PCDH15: variants seen among roughly 807,000 people sequenced by gnomAD.
PCDH15 encodes the protein protocadherin related 15, also known as protocadherin-15.
In PCDH15, 129 loss-of-function variants were observed where a neutral mutation model predicts 178.5. The observed-to-expected ratio is 0.72, with a 90% CI of 0.63 to 0.84. The LOEUF (loss-of-function observed/expected upper bound fraction) is 0.84. PCDH15 is among the 40% of genes least tolerant of loss of function. The pLI, the probability that PCDH15 is intolerant of heterozygous loss-of-function variation, is 0.00. For missense variants in PCDH15, 2,230 were observed against 2,099.9 expected (o/e 1.06, Z -1.21); for synonymous variants, 800 against 732.0 (o/e 1.09, Z -1.50).
intron 2 of PCDH15, among the ~76,000 whole-genome samples, chr10:54,554,446 T>C (rs2086946865): frequency 6.6e-6 from 1 of 152,032 alleles, no homozygotes; most frequent in Non-Finnish European, 1.5e-5. Context: ...AGAAAATTAA[T>C]GTAAAAAAAT....
chr10:55,175,289 A>G (rs557338292), intron 1 of PCDH15, among the ~76,000 whole-genome samples: 1 of 152,206 alleles, frequency 6.6e-6, no homozygotes, highest in African/African-American at 2.4e-5. Context: ...AAAGGCTAAG[A>G]GAGTCCTTGG....
chr10:53,949,642 G>A (rs1338178842), intron 23 of PCDH15, among the ~76,000 whole-genome samples: 2 of 152,190 alleles, frequency 1.3e-5, no homozygotes, highest in African/African-American at 2.4e-5. Flanking sequence ...GGAGGCTGAG[G>A]GCTGAGATGG....
chr10:53,905,433 A>G (rs2082611645), intron 25 of PCDH15, among the ~76,000 whole-genome samples: 1 of 152,112 alleles, frequency 6.6e-6, no homozygotes, highest in African/African-American at 2.4e-5. Context: ...TCCCGAGTTC[A>G]TGCCATTCTC....
intron 1 of PCDH15, among the ~76,000 whole-genome samples, chr10:54,790,376 T>C (rs919641527): frequency 1.8e-4 from 28 of 151,540 alleles, no homozygotes; most frequent in Non-Finnish European, 2.8e-4. Flanking sequence ...AAAAAATATA[T>C]ATATGTATTT....
At chr10:55,584,867 C>A (rs1353862003) in intron 2 of PCDH15, among the ~76,000 whole-genome samples, 2 of 150,632 alleles carry the variant, frequency 1.3e-5, no homozygotes, top group Admixed American at 6.6e-5. Flanking sequence ...ATTGTATTAG[C>A]ACATAAATTA....
At chr10:54,543,761 T>C (rs1469268969) in intron 2 of PCDH15, among the ~76,000 whole-genome samples, 3 of 152,146 alleles carry the variant, frequency 2.0e-5, no homozygotes, top group Admixed American at 2.0e-4. Flanking sequence ...TGAAACTGCC[T>C]ATTCTAACCC....
At chr10:54,236,164 G>A (rs1225907555) in intron 9 of PCDH15, among the ~76,000 whole-genome samples, 1 of 152,122 alleles carries the variant, frequency 6.6e-6, no homozygotes, top group Non-Finnish European at 1.5e-5. Context: ...ACATGCATCT[G>A]TCTGTCTAGA....
chr10:55,407,503 A>G (rs1045077384), intron 2 of PCDH15, among the ~76,000 whole-genome samples: 3 of 152,198 alleles, frequency 2.0e-5, no homozygotes, highest in Admixed American at 2.0e-4. Flanking sequence ...TCTTTCATCT[A>G]TCAAGCTTCC....
Position 55,474,954 on chromosome 10 carries a change from G to A in PCDH15, c.-156+152671C>T, listed in dbSNP as rs147531799. 1.9e-3 allele frequency among the ~76,000 whole-genome samples: 286 copies of A among 152,158 alleles called. 7 individuals carry two copies. In the East Asian group the frequency reaches 0.033, roughly 18 times the overall value. On this transcript the variant is annotated intron_variant, in intron 2 of 5. Coordinates refer to the PCDH15 transcript ENST00000613346. ...AGAGCTTGCTTACTTGAGTTTTTGG[G>A]TGTCTGCTCAAAATATCACCTTTAC...
chr10:54,493,647 A>G (rs890338441), intron 3 of PCDH15, among the ~76,000 whole-genome samples: 2 of 151,576 alleles, frequency 1.3e-5, no homozygotes, highest in African/African-American at 4.8e-5. Flanking sequence ...CCCGACTGTA[A>G]ACTAGTTCAG....
chr10:54,758,098 C>T (rs1364676575), intron 1 of PCDH15, among the ~76,000 whole-genome samples: 2 of 152,010 alleles, frequency 1.3e-5, no homozygotes, highest in African/African-American at 4.8e-5. Flanking sequence ...TATAAATTTA[C>T]CTAAAATATT....
intron 2 of PCDH15, among the ~76,000 whole-genome samples, chr10:55,485,685 G>C (rs537842069): frequency 6.6e-6 from 1 of 151,356 alleles, no homozygotes; most frequent in African/African-American, 2.4e-5. Flanking sequence ...TCAAGGAGGC[G>C]CCTGCAATCC....
chr10:55,445,304 A>G (rs1839291229), intron 2 of PCDH15, among the ~76,000 whole-genome samples: 1 of 152,030 alleles, frequency 6.6e-6, no homozygotes, highest in Non-Finnish European at 1.5e-5. Flanking sequence ...TAAATAATCT[A>G]AATTACAGTG....
At chr10:54,083,765 G>A (rs1047597148) in intron 16 of PCDH15, among the ~76,000 whole-genome samples, 3 of 152,096 alleles carry the variant, frequency 2.0e-5, no homozygotes, top group Non-Finnish European at 4.4e-5. Context: ...CTTTAAAATG[G>A]TTAATTTTGT....
intron 2 of PCDH15, among the ~76,000 whole-genome samples, chr10:54,941,639 T>C (rs1838065375): frequency 6.6e-6 from 1 of 152,140 alleles, no homozygotes; most frequent in Non-Finnish European, 1.5e-5. Flanking sequence ...ATGATCATAC[T>C]TTATTACCTC....
chr10:54,152,538 C>A (rs547332703), intron 14 of PCDH15, among the ~76,000 whole-genome samples: 5 of 151,364 alleles, frequency 3.3e-5, no homozygotes, highest in African/African-American at 1.2e-4. Flanking sequence ...AAAACCCCAG[C>A]AAAGTGAAGG....
chr10:54,456,825 T>C lies in PCDH15; in HGVS notation c.157+70987A>G, dbSNP rs556575734. Among the ~76,000 whole-genome samples the C allele has an allele frequency of 2.6e-5, 4 of 152,250 alleles. No individual in the cohort carries two copies. In the East Asian group the frequency reaches 7.7e-4, roughly 29 times the overall value. On this transcript the variant is annotated intron_variant, in intron 3 of 37. Coordinates refer to ENST00000644397, the MANE Select transcript of PCDH15 (RefSeq NM_001384140.1). ...TACCCTCGTGTTGTTCTTATGACAG[T>C]GAGTTCTCACCAGATATAATGGTTT...
chr10:54,311,437 C>A (rs1418305846), intron 8 of PCDH15, among the ~76,000 whole-genome samples: 1 of 151,736 alleles, frequency 6.6e-6, no homozygotes, highest in African/African-American at 2.4e-5. Context: ...GAAAATAAAG[C>A]CAAGGATTTT....
At chr10:54,658,455 A>G (rs2094443294) in intron 2 of PCDH15, among the ~76,000 whole-genome samples, 1 of 152,190 alleles carries the variant, frequency 6.6e-6, no homozygotes, top group Non-Finnish European at 1.5e-5. Flanking sequence ...TACAAGCCAG[A>G]AGGAATTAGA....
Sources: gnomAD v4.1 joint callset for allele counts (sites outside exome capture counted in the v4.1 genomes callset) on GRCh38, gnomAD v4.1.1 for gene constraint, MANE v1.5 for transcripts, NCBI Gene and HGNC (gene_info 2026-07-23, HGNC 2026-07-21) for gene names.